Variants in SHISA2 observed in about 807,000 individuals in gnomAD.
SHISA2 encodes the protein shisa family member 2, also known as protein shisa-2 homolog.
A neutral mutation model predicts 23.8 loss-of-function variants in SHISA2; 16 were observed. The observed-to-expected ratio is 0.67, with a 90% CI of 0.46 to 1.02. The LOEUF is 1.02. Among genes scored for constraint, SHISA2 ranks in the 50% least tolerant of loss-of-function variants. The probability of loss-of-function intolerance (pLI) is 0.00; values close to 1 mark genes in which losing one functional copy is unlikely to be tolerated. For missense variants in SHISA2, 459 were observed against 420.1 expected (o/e 1.09, Z -0.81); for synonymous variants, 201 against 178.6 (o/e 1.13, Z -1.00).
chr13:26,046,885 G>A lies in SHISA2; in HGVS notation c.516C>T (p.Thr172=). ...ETIPMIPSAS[T]SRGSSSRQSS... is the part of the protein sequence containing the mutation. Reference sequence around the variant, plus strand: ...ACTGGCGTGAGGACGACCCCCGGGAGGTGCTGGCACTGGGGATCATGGGGA... The same window carrying A: ...ACTGGCGTGAGGACGACCCCCGGGAAGTGCTGGCACTGGGGATCATGGGGA... Residue 172 remains threonine, a synonymous_variant, in exon 2 of 2, where the codon ACC becomes ACT. Coordinates refer to ENST00000319420, the MANE Select transcript of SHISA2 (RefSeq NM_001007538.2). 2 of 1,613,726 alleles carry A rather than the reference G, an allele frequency of 1.2e-6. No homozygotes were observed. The highest frequency in any genetic ancestry group is 1.7e-4 in the Middle Eastern group (1 of 6,052).
rs1160881099 is a variant in SHISA2 at position 26,051,222 on chromosome 13, G to C, written c.-247C>G. Among the ~76,000 whole-genome samples, 1 of 152,204 alleles carries C rather than the reference G, an allele frequency of 6.6e-6. No homozygotes were observed. Among genetic ancestry groups the C allele is most frequent in the Non-Finnish European group, 1.5e-5 (1 of 68,034 alleles). On this transcript the variant is annotated 5_prime_UTR_variant, in exon 1 of 2. Transcript: ENST00000319420. ...AGGGACTGCCTTATGAGTTGCACTC[G>C]CTGATGGAAATCTCGGGATGCAGTC...
rs61944870 is a variant in SHISA2 at position 26,046,699 on chromosome 13, C to T, written c.702G>A (p.Gln234=). 2.4e-4 allele frequency: 390 copies of T among 1,614,112 alleles called. 1 individual carries two copies. The highest frequency in any genetic ancestry group is 3.7e-4 in the Admixed American group (22 of 60,004). The change falls in exon 2 of 2, where the codon CAG becomes CAA. Residue 234 remains glutamine, a synonymous_variant. Coordinates refer to ENST00000319420, the MANE Select transcript of SHISA2 (RefSeq NM_001007538.2). ...FSVLNCQQAT[Q]IVPHQGQYLH... is the part of the protein sequence containing the mutation. ...GATACTGCCCTTGATGTGGCACAAT[C>T]TGGGTGGCCTGCTGACAGTTCAGCA...
chr13:26,049,804 G>GC (rs1247927354), intron 1 of SHISA2, among the ~76,000 whole-genome samples: 1 of 149,810 alleles, frequency 6.7e-6, no homozygotes, highest in African/African-American at 2.5e-5. Context: ...AGGAGGAGCC[G>GC]CCCCCTCGGG....
chr13:26,051,111 G>A lies in SHISA2; in HGVS notation c.-136C>T. 1.3e-6 allele frequency: 1 copy of A among 777,270 alleles called. No homozygotes were observed. The highest frequency in any genetic ancestry group is 2.1e-5 in the South Asian group (1 of 46,926). 48.1% of individuals were successfully genotyped at this position (777,270 alleles called of 1,614,324 possible). ...TCCGCGCGGGCCACTCCCCTCTGCC[G>A]CGACGCCCAGGAGGCGACGACGCCG... is the stretch of plus-strand genomic sequence containing the variant. On this transcript the variant is annotated 5_prime_UTR_variant, in exon 1 of 2. Coordinates refer to ENST00000319420, the MANE Select transcript of SHISA2 (RefSeq NM_001007538.2).
chr13:26,047,802 C>T (rs1186813702), intron 1 of SHISA2, among the ~76,000 whole-genome samples: 1 of 152,002 alleles, frequency 6.6e-6, no homozygotes, highest in Non-Finnish European at 1.5e-5. Flanking sequence ...AAACAATGTC[C>T]AAGAGCAAAC....
Position 26,044,977 on chromosome 13 carries a change from G to T in SHISA2, c.*1536C>A, listed in dbSNP as rs1005023092. 3 of 152,210 alleles carry T rather than the reference G, an allele frequency of 2.0e-5. No homozygotes were observed. The highest frequency in any genetic ancestry group is 4.4e-5 in the Non-Finnish European group (3 of 68,028). The allele number at this position is 152,210 out of a possible 1,614,324, so 9.4% of individuals were successfully genotyped here. ...AGAGGAAATCAAGAACAGTGTGGGAGAAGAAAGGCAATCCTTCGTTGAAAA... is the reference window on the plus strand; with the variant it reads ...AGAGGAAATCAAGAACAGTGTGGGATAAGAAAGGCAATCCTTCGTTGAAAA... On this transcript the variant is annotated 3_prime_UTR_variant, in exon 2 of 2. Coordinates refer to ENST00000319420, the MANE Select transcript of SHISA2 (RefSeq NM_001007538.2).
chr13:26,046,176 T>C lies in SHISA2; in HGVS notation c.*337A>G, dbSNP rs60205166. On this transcript the variant is annotated 3_prime_UTR_variant, in exon 2 of 2. Transcript: ENST00000319420. ...GTCAACAACAAAAAAGAAATAATAA[T>C]AACAACATAATAAAAATCCTTAATT... The C allele has an allele frequency of 0.015, 2,585 of 171,904 alleles. 70 individuals are homozygous for C. Among genetic ancestry groups the C allele is most frequent in the African/African-American group, 0.061 (2,434 of 39,752 alleles). 10.6% of individuals were successfully genotyped at this position (171,904 alleles called of 1,614,324 possible).
At chr13:26,050,531 C>T (rs1172689742) in intron 1 of SHISA2, 111 bp downstream of exon 1, 6 of 1,123,000 alleles carry the variant, frequency 5.3e-6, no homozygotes, top group African/African-American at 1.7e-5. Flanking sequence ...GCAGACTCCG[C>T]CTCCTGGTCC....
intron 1 of SHISA2, among the ~76,000 whole-genome samples, chr13:26,049,185 T>C (rs543461777): frequency 6.6e-6 from 1 of 152,238 alleles, no homozygotes; most frequent in Non-Finnish European, 1.5e-5. Flanking sequence ...AAGTGTTCTC[T>C]TTCCAGGATT....
At position 26,051,343 on chromosome 13, in the gene SHISA2, G is replaced by T. The variant is rs1455958868; in HGVS notation, c.-368C>A. 6.6e-6 allele frequency among the ~76,000 whole-genome samples: 1 copy of T among 152,138 alleles called. No individual in the cohort carries two copies. The highest frequency in any genetic ancestry group is 2.4e-5 in the African/African-American group (1 of 41,448). On this transcript the variant is annotated 5_prime_UTR_variant, in exon 1 of 2. Transcript: ENST00000319420. ...CCCCGAAGGGATGCTCACTCGAGCC[G>T]AATGACCGCTGGGCGCGCCGCCGCG...
Position 26,045,647 on chromosome 13 carries a change from T to C in SHISA2, c.*866A>G, listed in dbSNP as rs1957261016. ...CAAAAGCACAAAAATAGACAAAATA[T>C]ATATATCTTTTTACAATGAAATTAA... On this transcript the variant is annotated 3_prime_UTR_variant, in exon 2 of 2. Transcript: ENST00000319420. 1 of 151,966 alleles carries C rather than the reference T, an allele frequency of 6.6e-6. No individual in the cohort carries two copies. The highest frequency in any genetic ancestry group is 1.5e-5 in the Non-Finnish European group (1 of 67,984). The allele number at this position is 151,966 out of a possible 1,614,324, so 9.4% of individuals were successfully genotyped here. A position where few individuals can be genotyped will look rare whatever the true frequency, so the allele number is the denominator to read the frequency against.
At position 26,046,553 on chromosome 13, in the gene SHISA2, G is replaced by A. The variant is rs1566373360; in HGVS notation, c.848C>T (p.Thr283Ile). The change falls in exon 2 of 2, where the codon ACC becomes ATC. Residue 283 changes from threonine (T) to isoleucine (I), a missense_variant. Transcript: ENST00000319420. ...YRQIQSPFPH[T>I]NSEQKMYPAV... ...TGGGTACATCTTCTGTTCACTGTTG[G>A]TGTGAGGGAAGGGGGACTGAATCTG... 1.9e-6 allele frequency: 3 copies of A among 1,613,350 alleles called. No individual in the cohort carries two copies. The highest frequency in any genetic ancestry group is 1.7e-6 in the Non-Finnish European group (2 of 1,179,776).
At chr13:26,048,988 G>A (rs1169895967) in intron 1 of SHISA2, among the ~76,000 whole-genome samples, 3 of 152,216 alleles carry the variant, frequency 2.0e-5, no homozygotes, top group Non-Finnish European at 4.4e-5. Flanking sequence ...GATCACTGGA[G>A]AAGTGGATGC....
rs1167574258 is a variant in SHISA2 at position 26,046,286 on chromosome 13, A to G, written c.*227T>C. The G allele has an allele frequency of 3.7e-6, 2 of 536,130 alleles. No individual in the cohort carries two copies. The highest frequency in any genetic ancestry group is 3.8e-5 in the African/African-American group (2 of 52,944). 33.2% of individuals were successfully genotyped at this position (536,130 alleles called of 1,614,324 possible). ...TTGTTATACACCCATCAGCAACATC[A>G]CAGTCATCTCCAGCTGAGGCCGGTT... On this transcript the variant is annotated 3_prime_UTR_variant, in exon 2 of 2. Transcript: ENST00000319420.
chr13:26,046,764 T>C lies in SHISA2; in HGVS notation c.637A>G (p.Met213Val), dbSNP rs552172152. Reference sequence around the variant, plus strand: ...GGCATGTTGACATACACGTTGTTCATGGTCCCTTCCGGCAAGCAACAGTTG... The same window carrying C: ...GGCATGTTGACATACACGTTGTTCACGGTCCCTTCCGGCAAGCAACAGTTG... ...QTNCCLPEGT[M>V]NNVYVNMPTN... Residue 213 changes from methionine (M) to valine (V), a missense_variant, in exon 2 of 2, where the codon ATG becomes GTG. By Grantham distance (21) the Met-to-Val change is conservative. Transcript: ENST00000319420. The C allele has an allele frequency of 1.6e-5, 26 of 1,614,218 alleles. No individual in the cohort carries two copies. The Admixed American group carries it at 3.7e-4, about 23-fold the overall frequency.
At position 26,050,922 on chromosome 13, in the gene SHISA2, G is replaced by C; in HGVS notation, c.54C>G (p.Leu18=). Residue 18 remains leucine (L), a synonymous_variant, in exon 1 of 2, where the codon CTC becomes CTG. Coordinates refer to ENST00000319420, the MANE Select transcript of SHISA2 (RefSeq NM_001007538.2). ...SVSSSWNAAS[L]LQLLLAALLA... is the part of the protein sequence containing the mutation. ...GCAGCGCAGCCAGCAGCAGCTGCAG[G>C]AGCGAAGCGGCGTTCCAGGATGAGG... 3 of 1,520,428 alleles carry C rather than the reference G, an allele frequency of 2.0e-6. No homozygotes were observed. Among genetic ancestry groups the C allele is most frequent in the Non-Finnish European group, 2.6e-6 (3 of 1,141,408 alleles). 94.2% of individuals were successfully genotyped at this position (1,520,428 alleles called of 1,614,324 possible).
Position 26,050,959 on chromosome 13 carries a change from C to G in SHISA2, c.17G>C (p.Arg6Pro), listed in dbSNP as rs1464787296. 3.1e-5 allele frequency: 47 copies of G among 1,512,086 alleles called. No homozygotes were observed. Among genetic ancestry groups the G allele is most frequent in the Non-Finnish European group, 4.0e-5 (46 of 1,137,648 alleles). 93.7% of individuals were successfully genotyped at this position (1,512,086 alleles called of 1,614,324 possible). Residue 6 changes from arginine to proline, a missense_variant, in exon 1 of 2, where the codon CGC becomes CCC. Transcript: ENST00000319420. MWGAR[R>P]SSVSSSWNAA... Reference sequence around the variant, plus strand: ...GTTCCAGGATGAGGAGACGGACGAGCGGCGAGCGCCCCACATGGCACCACC... The same window carrying G: ...GTTCCAGGATGAGGAGACGGACGAGGGGCGAGCGCCCCACATGGCACCACC...
rs1003310368 is a variant in SHISA2, at chr13:26,046,745, T to C, written c.656A>G (p.Asn219Ser). The change falls in exon 2 of 2, where the codon AAC becomes AGC. Residue 219 changes from asparagine (N) to serine (S), a missense_variant. By Grantham distance (46) the Asn-to-Ser change is conservative. Transcript: ENST00000319420. The part of the protein sequence containing the change: ...PEGTMNNVYV[N>S]MPTNFSVLNC... ...CAGCACAGAGAAATTCGTGGGCATG[T>C]TGACATACACGTTGTTCATGGTCCC... is the stretch of plus-strand genomic sequence containing the variant. The C allele has an allele frequency of 1.9e-6, 3 of 1,614,228 alleles. No individual in the cohort carries two copies. The highest frequency in any genetic ancestry group is 2.5e-6 in the Non-Finnish European group (3 of 1,180,030).
intron 1 of SHISA2, 47 bp from the exon 2 acceptor site, chr13:26,047,113 A>G (rs757476131): frequency 6.7e-7 from 1 of 1,492,208 alleles, no homozygotes. Context: ...CTCTAGGAAC[A>G]CAGTACCAAT....
Sources: allele counts gnomAD v4.1 joint callset (sites outside exome capture counted in the v4.1 genomes callset), GRCh38; gene constraint gnomAD v4.1.1; transcripts MANE v1.5; gene names NCBI Gene and HGNC (gene_info 2026-07-23, HGNC 2026-07-21).